Variants in FLT1 observed in about 807,000 individuals in gnomAD.
The protein encoded by FLT1 is fms related receptor tyrosine kinase 1.
In FLT1, 49 loss-of-function variants were observed where a neutral mutation model predicts 156.3. That is an observed-to-expected ratio of 0.31 (90% CI 0.25 to 0.40). FLT1 has a LOEUF of 0.40. Ranked by LOEUF, FLT1 falls within the 10% of genes least tolerant of loss-of-function variation. The pLI is 1.00. For synonymous variants in FLT1, 594 were observed against 583.8 expected (o/e 1.02, Z -0.25); for missense variants, 1,322 against 1,637.2 (o/e 0.81, Z 3.32).
intron 14 of FLT1, among the ~76,000 whole-genome samples, chr13:28,374,802 C>T (rs192171638): frequency 9.3e-4 from 142 of 152,176 alleles, no homozygotes; most frequent in African/African-American, 3.3e-3. Flanking sequence ...TGTGAGCCAC[C>T]GTGCCCGGCC....
At chr13:28,364,594 G>A (rs1294756921) in intron 14 of FLT1, among the ~76,000 whole-genome samples, 12 of 152,008 alleles carry the variant, frequency 7.9e-5, no homozygotes, top group Admixed American at 7.9e-4. Context: ...TTTCTTTTGG[G>A]GAGGGGTATG....
At chr13:28,388,641 C>T (rs1874516442) in intron 13 of FLT1, 1 of 1,055,766 alleles carries the variant, frequency 9.5e-7, no homozygotes, top group South Asian at 4.6e-5. Flanking sequence ...AATTCTGCTT[C>T]TGTAGTTTTG....
At chr13:28,442,603 G>T (rs1296150076) in intron 3 of FLT1, among the ~76,000 whole-genome samples, 2 of 151,956 alleles carry the variant, frequency 1.3e-5, no homozygotes, top group Non-Finnish European at 1.5e-5. Flanking sequence ...TCAGTGATTT[G>T]TGTCCCTCCA....
intron 3 of FLT1, among the ~76,000 whole-genome samples, chr13:28,464,117 A>G (rs894236878): frequency 6.6e-6 from 1 of 152,212 alleles, no homozygotes; most frequent in African/African-American, 2.4e-5. Context: ...TGGTCTCATA[A>G]TATTATCATA....
intron 12 of FLT1, among the ~76,000 whole-genome samples, chr13:28,391,215 G>C (rs1339412397): frequency 6.6e-6 from 1 of 152,112 alleles, no homozygotes; most frequent in Non-Finnish European, 1.5e-5. Context: ...TCTGAAGGTG[G>C]CTATGTCATT....
At chr13:28,427,636 A>G in intron 9 of FLT1, 116 bp downstream of exon 9, 2 of 959,248 alleles carry the variant, frequency 2.1e-6, no homozygotes, top group Non-Finnish European at 3.4e-6. Flanking sequence ...TGTTTTTTCA[A>G]ATGATTATTT....
chr13:28,384,772 C>T, intron 14 of FLT1, 113 bp downstream of exon 14: 1 of 1,016,854 alleles, frequency 9.8e-7, no homozygotes, highest in Non-Finnish European at 1.6e-6. Context: ...GTGTTTGGGG[C>T]TCTATCAGCA....
intron 11 of FLT1, among the ~76,000 whole-genome samples, chr13:28,403,858 A>G (rs966133453): frequency 1.1e-4 from 16 of 152,318 alleles, no homozygotes; most frequent in African/African-American, 3.8e-4. Context: ...CCTGGCCAAC[A>G]TGGTGAAACT....
intron 14 of FLT1, chr13:28,368,462 G>A (rs1171443653): frequency 1.3e-6 from 2 of 1,489,828 alleles, no homozygotes; most frequent in Non-Finnish European, 1.8e-6. Flanking sequence ...ATTTGTTATT[G>A]TTATGATTGT....
At chr13:28,353,017 G>T (rs551917380) in intron 15 of FLT1, among the ~76,000 whole-genome samples, 1 of 152,230 alleles carries the variant, frequency 6.6e-6, no homozygotes, top group South Asian at 2.1e-4. Context: ...ATTTATTAGG[G>T]AACATAGTGT....
chr13:28,416,128 CT>C (rs1876632537), intron 10 of FLT1, among the ~76,000 whole-genome samples: 1 of 152,200 alleles, frequency 6.6e-6, no homozygotes, highest in South Asian at 2.1e-4. Flanking sequence ...CTCAAACAAC[CT>C]TATGATGTCA....
intron 14 of FLT1, 122 bp downstream of exon 14, chr13:28,384,763 T>A (rs1874251618): frequency 1.1e-6 from 1 of 928,538 alleles, no homozygotes; most frequent in South Asian, 1.3e-5. Flanking sequence ...CAGATCCCAG[T>A]GTTTGGGGCT....
intron 14 of FLT1, among the ~76,000 whole-genome samples, chr13:28,370,827 C>A (rs533766539): frequency 1.3e-5 from 2 of 152,306 alleles, no homozygotes; most frequent in East Asian, 3.9e-4. Context: ...AGCCTATCCA[C>A]AAGGTTGGAT....
In FLT1 at chr13:28,467,561, G is replaced by A. The variant is rs1201672564; in HGVS notation, c.121C>T (p.His41Tyr). ...AGTGTCTGGCCTGCTTGCATGATGT[G>A]CTGGGTGCCTTTTAAACTCAGTTCA... ...DPELSLKGTQHIMQAGQTLHL... is the reference protein window; with the variant it reads ...DPELSLKGTQYIMQAGQTLHL... The change falls in exon 2 of 30, where the codon CAC becomes TAC. Residue 41 changes from histidine (H) to tyrosine (Y), a missense_variant. His to Tyr is a moderately conservative substitution (Grantham distance 83). Around this residue, in one of 3 missense-constraint regions of FLT1, gnomAD observed 991 missense variants for 1,254.8 expected, o/e 0.79. Transcript: ENST00000282397. The A allele has an allele frequency of 3.1e-6, 5 of 1,611,142 alleles. No individual in the cohort carries two copies. The highest frequency in any genetic ancestry group is 4.2e-6 in the Non-Finnish European group (5 of 1,178,596).
At position 28,427,739 on chromosome 13, in the gene FLT1, A is replaced by G; in HGVS notation, c.1276+13T>C. 6.2e-7 allele frequency: 1 copy of G among 1,612,008 alleles called. No homozygotes were observed. Among genetic ancestry groups the G allele is most frequent in the Non-Finnish European group, 8.5e-7 (1 of 1,178,090 alleles). On this transcript the variant is annotated intron_variant, in intron 9 of 29. Transcript: ENST00000282397. ...CTACCAGAACCAGAAGAAAGTATGAACAGCAAACTTACCATTGACAATTAG... is the reference window on the plus strand; with the variant it reads ...CTACCAGAACCAGAAGAAAGTATGAGCAGCAAACTTACCATTGACAATTAG...
intron 15 of FLT1, 23 bp from the exon 16 acceptor site, chr13:28,345,574 T>C (rs752507210): frequency 1.5e-6 from 2 of 1,367,000 alleles, no homozygotes; most frequent in South Asian, 1.2e-5. Flanking sequence ...AAAATCACAA[T>C]AGTGGTGCAA....
intron 14 of FLT1, among the ~76,000 whole-genome samples, chr13:28,358,264 A>G (rs564920637): frequency 6.6e-6 from 1 of 152,218 alleles, no homozygotes; most frequent in Non-Finnish European, 1.5e-5. Flanking sequence ...TTCATTTGTC[A>G]TAAGGCCTGG....
chr13:28,361,332 A>T (rs796070496), intron 14 of FLT1, among the ~76,000 whole-genome samples: 2 of 151,974 alleles, frequency 1.3e-5, no homozygotes, highest in African/African-American at 2.4e-5. Context: ...AACACCTACA[A>T]TCTCACCTCC....
intron 15 of FLT1, among the ~76,000 whole-genome samples, chr13:28,348,781 C>T (rs559505169): frequency 2.0e-5 from 3 of 152,246 alleles, no homozygotes; most frequent in Admixed American, 6.5e-5. Flanking sequence ...TGGTGGCAGG[C>T]GCCTGTAGTC....
Sources: gnomAD v4.1 joint callset for allele counts (sites outside exome capture counted in the v4.1 genomes callset) on GRCh38, gnomAD v4.1.1 for gene constraint, gnomAD v4.1.1 regional missense constraint, MANE v1.5 for transcripts, NCBI Gene and HGNC (gene_info 2026-07-23, HGNC 2026-07-21) for gene names.